The following TMEM272 variants were observed in gnomAD, a reference collection of about 807,000 sequenced individuals.
The protein encoded by TMEM272 is long intergenic non-protein coding RNA 282.
TMEM272 carries 8 observed loss-of-function variants against 3.7 expected under a neutral mutation model. The observed-to-expected ratio is 2.17, with a 90% CI of 1.27 to 3.91. The LOEUF (loss-of-function observed/expected upper bound fraction) is 3.91. Ranked by LOEUF, TMEM272 falls within the 30% of genes most tolerant of loss-of-function variation. The pLI is 0.00. For synonymous variants in TMEM272, 63 were observed against 39.8 expected (o/e 1.58, Z -2.20); for missense variants, 166 against 91.5 (o/e 1.81, Z -3.32).
the TMEM272 span, among the ~76,000 whole-genome samples, chr13:51,904,710 A>T: frequency 6.6e-6 from 1 of 152,222 alleles, no homozygotes; most frequent in Non-Finnish European, 1.5e-5. Context: ...GGAAATGCTC[A>T]TTGGAGCATT....
the TMEM272 span, among the ~76,000 whole-genome samples, chr13:51,874,301 G>A: frequency 2.6e-5 from 4 of 152,154 alleles, no homozygotes; most frequent in Admixed American, 1.3e-4. Flanking sequence ...AATATCCTTC[G>A]ATAAATGCCA....
At position 51,814,298 on chromosome 13, in the gene TMEM272, A is replaced by T. The variant is rs998869449; in HGVS notation, c.*2453T>A. 6.6e-6 allele frequency: 1 copy of T among 152,224 alleles called. No individual in the cohort carries two copies. The highest frequency in any genetic ancestry group is 1.5e-5 in the Non-Finnish European group (1 of 68,060). The allele number at this position is 152,224 out of a possible 1,614,324, so 9.4% of individuals were successfully genotyped here. On this transcript the variant is annotated 3_prime_UTR_variant, in exon 5 of 5. Transcript: ENST00000629372. ...GAGCCTCTTTCTTGAAATGTGCCTT[A>T]TCATAACCATCTCACCATCTCCTGA...
chr13:51,880,551 A>G, the TMEM272 span, among the ~76,000 whole-genome samples: 1 of 152,240 alleles, frequency 6.6e-6, no homozygotes, highest in South Asian at 2.1e-4. Context: ...GAACAATACA[A>G]AGGAAAAAGT....
chr13:51,866,060 T>C, the TMEM272 span: 13 of 1,585,548 alleles, frequency 8.2e-6, no homozygotes, highest in African/African-American at 8.1e-5. Context: ...CTTGCTGGCC[T>C]TCTCCCGAGG....
chr13:51,818,421 G>C (rs770200723), intron 4 of TMEM272, among the ~76,000 whole-genome samples: 2 of 152,198 alleles, frequency 1.3e-5, no homozygotes, highest in African/African-American at 2.4e-5. Context: ...TGGCCCACAG[G>C]GGGCAGAGTC....
chr13:51,866,714 G>A, the TMEM272 span, among the ~76,000 whole-genome samples: 7 of 152,166 alleles, frequency 4.6e-5, no homozygotes, highest in African/African-American at 9.7e-5. Flanking sequence ...GCCTTGGCGT[G>A]GGGGCTGAGA....
chr13:51,853,126 G>A, the TMEM272 span, among the ~76,000 whole-genome samples: 2 of 152,148 alleles, frequency 1.3e-5, no homozygotes, highest in East Asian at 3.8e-4. Flanking sequence ...AAAATCCCAG[G>A]CCAGGCGTGG....
chr13:51,882,748 T>C, the TMEM272 span, among the ~76,000 whole-genome samples: 3 of 150,648 alleles, frequency 2.0e-5, no homozygotes, highest in African/African-American at 7.3e-5. Context: ...ATAATAAAAA[T>C]AAATAACAAA....
At chr13:51,845,883 T>C (rs1482966318), upstream of TMEM272, among the ~76,000 whole-genome samples, 4 of 152,392 alleles carry the variant, frequency 2.6e-5, 1 homozygote, top group Non-Finnish European at 1.5e-5. Flanking sequence ...AAGTCTCCTG[T>C]AGGTGCTCCA....
chr13:51,896,196 A>G, the TMEM272 span, among the ~76,000 whole-genome samples: 1 of 152,218 alleles, frequency 6.6e-6, no homozygotes, highest in Admixed American at 6.5e-5. Context: ...CTCTCAGCCT[A>G]CAAGAAAGCT....
intron 3 of TMEM272, among the ~76,000 whole-genome samples, chr13:51,824,643 T>C (rs1489610160): frequency 6.6e-6 from 1 of 152,212 alleles, no homozygotes; most frequent in Non-Finnish European, 1.5e-5. Flanking sequence ...GATGAATTGT[T>C]GCAGTTAAGT....
At chr13:51,923,313 C>T in the TMEM272 span, among the ~76,000 whole-genome samples, 1 of 152,218 alleles carries the variant, frequency 6.6e-6, no homozygotes, top group Admixed American at 6.5e-5. Context: ...TGTGATGGGA[C>T]CTCTCCGGAG....
At chr13:51,817,867 C>T (rs1054419053) in intron 4 of TMEM272, among the ~76,000 whole-genome samples, 10 of 152,326 alleles carry the variant, frequency 6.6e-5, no homozygotes, top group African/African-American at 2.4e-4. Flanking sequence ...CGAAATTCTG[C>T]TGCCACTTGG....
Position 51,826,547 on chromosome 13 carries a change from A to G in TMEM272, c.118+19T>C. ...ACCTGGCTGACCTGTGGCGTCCAGC[A>G]GCTCGGAAGGCAGCTTACCTATGAA... On this transcript the variant is annotated intron_variant, in intron 3 of 4. Transcript: ENST00000629372. 3 of 702,594 alleles carry G rather than the reference A, an allele frequency of 4.3e-6. No individual in the cohort carries two copies. The highest frequency in any genetic ancestry group is 7.8e-6 in the Non-Finnish European group (3 of 384,994). 43.5% of individuals were successfully genotyped at this position (702,594 alleles called of 1,614,324 possible).
chr13:51,833,630 G>A (rs1956191565), intron 2 of TMEM272, among the ~76,000 whole-genome samples: 1 of 152,162 alleles, frequency 6.6e-6, no homozygotes, highest in African/African-American at 2.4e-5. Context: ...GACAGAAAGA[G>A]GAGGGGCTTT....
the TMEM272 span, among the ~76,000 whole-genome samples, chr13:51,895,423 G>A: frequency 3.3e-5 from 5 of 152,110 alleles, no homozygotes; most frequent in Non-Finnish European, 7.4e-5. Flanking sequence ...CAGGGAAATC[G>A]AGCCACAAGA....
the TMEM272 span, among the ~76,000 whole-genome samples, chr13:51,852,237 T>A: frequency 1.3e-5 from 2 of 152,250 alleles, no homozygotes; most frequent in East Asian, 3.8e-4. Context: ...ATTTCTCTAA[T>A]TATAAGTATG....
chr13:51,845,263 A>G (rs1956295930), upstream of TMEM272: 1 of 152,234 alleles, frequency 6.6e-6, no homozygotes, highest in Non-Finnish European at 1.5e-5. Flanking sequence ...ATACCCCTGC[A>G]GTGTTCCCCA....
chr13:51,864,761 A>G, the TMEM272 span, among the ~76,000 whole-genome samples: 1 of 152,128 alleles, frequency 6.6e-6, no homozygotes, highest in East Asian at 1.9e-4. Flanking sequence ...GTTCCATATT[A>G]CTAAATATTG....
Sources: gnomAD v4.1 joint callset for allele counts (sites outside exome capture counted in the v4.1 genomes callset) on GRCh38, gnomAD v4.1.1 for gene constraint, MANE v1.5 for transcripts, NCBI Gene and HGNC (gene_info 2026-07-23, HGNC 2026-07-21) for gene names.